The following DLGAP4 variants were observed in gnomAD, a reference collection of about 807,000 sequenced individuals.
DLGAP4 encodes disks large-associated protein 4.
In DLGAP4, 18 loss-of-function variants were observed where a neutral mutation model predicts 86.9. The ratio of observed to expected loss-of-function variants is 0.21; its 90% CI spans 0.14 to 0.31. The LOEUF is 0.31. Ranked by LOEUF, DLGAP4 falls within the 10% of genes least tolerant of loss-of-function variation. The probability of loss-of-function intolerance (pLI) is 1.00; values close to 1 mark genes in which losing one functional copy is unlikely to be tolerated. For synonymous variants in DLGAP4, 548 were observed against 574.3 expected (o/e 0.95, Z 0.65); for missense variants, 1,085 against 1,362.6 (o/e 0.80, Z 3.21).
chr20:36,501,255 G>A (rs929468649), intron 10 of DLGAP4, among the ~76,000 whole-genome samples: 1 of 151,818 alleles, frequency 6.6e-6, no homozygotes, highest in Non-Finnish European at 1.5e-5. Context: ...TAGTAGAGAC[G>A]GGGTTTCACC....
intron 1 of DLGAP4, among the ~76,000 whole-genome samples, chr20:36,312,473 A>G (rs1285643043): frequency 2.6e-5 from 4 of 151,982 alleles, no homozygotes; most frequent in African/African-American, 9.7e-5. Context: ...CAGGTCACCC[A>G]CCTCTGGGAG....
At chr20:36,358,428 G>A (rs1191917175) in intron 1 of DLGAP4, among the ~76,000 whole-genome samples, 1 of 152,228 alleles carries the variant, frequency 6.6e-6, no homozygotes, top group Non-Finnish European at 1.5e-5. Context: ...AGCATGTTGG[G>A]CTCCTGTCCC....
chr20:36,349,653 G>A (rs1391145958), intron 1 of DLGAP4, among the ~76,000 whole-genome samples: 2 of 152,214 alleles, frequency 1.3e-5, no homozygotes, highest in East Asian at 1.9e-4. Context: ...ATGGGTCATC[G>A]TGAGGATAAA....
chr20:36,443,019 G>A (rs1293449335), intron 6 of DLGAP4, among the ~76,000 whole-genome samples: 1 of 152,228 alleles, frequency 6.6e-6, no homozygotes, highest in Non-Finnish European at 1.5e-5. Flanking sequence ...GGAAGAATGA[G>A]CTAGGTGCTC....
chr20:36,467,064 C>CCCTCT (rs1555907466), intron 7 of DLGAP4, among the ~76,000 whole-genome samples: 1 of 118,144 alleles, frequency 8.5e-6, no homozygotes, highest in African/African-American at 4.9e-5. Context: ...CTCTCTCTCT[C>CCCTCT]CCCCCCCCTT....
intron 1 of DLGAP4, among the ~76,000 whole-genome samples, chr20:36,331,097 G>C (rs1440306595): frequency 6.6e-6 from 1 of 152,192 alleles, no homozygotes; most frequent in Non-Finnish European, 1.5e-5. Context: ...GCCTGTGGGG[G>C]GAGGCCACCC....
At chr20:36,335,217 C>T (rs1298843503) in intron 1 of DLGAP4, among the ~76,000 whole-genome samples, 1 of 152,188 alleles carries the variant, frequency 6.6e-6, no homozygotes, top group East Asian at 1.9e-4. Context: ...GTACAGCCAC[C>T]GCCAGGCCTC....
intron 2 of DLGAP4, among the ~76,000 whole-genome samples, chr20:36,384,280 C>T (rs2031516870): frequency 6.6e-6 from 1 of 152,084 alleles, no homozygotes; most frequent in Non-Finnish European, 1.5e-5. Context: ...TCGGTTCTGT[C>T]TTGAGAGTTT....
chr20:36,366,345 G>A (rs1483512393), intron 1 of DLGAP4, among the ~76,000 whole-genome samples: 1 of 152,162 alleles, frequency 6.6e-6, no homozygotes, highest in African/African-American at 2.4e-5. Context: ...ACAGGCGTGA[G>A]CCACCGCACC....
At chr20:36,522,887 C>G (rs1337965093) in intron 10 of DLGAP4, among the ~76,000 whole-genome samples, 1 of 152,112 alleles carries the variant, frequency 6.6e-6, no homozygotes, top group African/African-American at 2.4e-5. Context: ...GGCAAGGTCT[C>G]ACTTTGTCAC....
chr20:36,385,054 G>C (rs1226086052), intron 2 of DLGAP4, among the ~76,000 whole-genome samples: 1 of 152,192 alleles, frequency 6.6e-6, no homozygotes, highest in Non-Finnish European at 1.5e-5. Flanking sequence ...CAGAGAAGGG[G>C]TGTGACCTGC....
chr20:36,461,751 G>GGGCCCCCCCCCC, intron 7 of DLGAP4: 23 of 618,670 alleles, frequency 3.7e-5, no homozygotes, highest in Middle Eastern at 8.2e-4. Flanking sequence ...CCGTCCGTCC[G>GGGCCCCCCCCCC]CCCGCCCGCC....
intron 6 of DLGAP4, among the ~76,000 whole-genome samples, chr20:36,445,074 G>A (rs752426780): frequency 2.0e-5 from 3 of 152,108 alleles, no homozygotes; most frequent in Non-Finnish European, 4.4e-5. Context: ...GGGACTTGAG[G>A]TGCATGCTAC....
At chr20:36,480,038 G>T (rs2035115546) in intron 7 of DLGAP4, among the ~76,000 whole-genome samples, 1 of 152,136 alleles carries the variant, frequency 6.6e-6, no homozygotes, top group African/African-American at 2.4e-5. Context: ...ACTCACAGCA[G>T]TCCTAGGGCA....
intron 1 of DLGAP4, among the ~76,000 whole-genome samples, chr20:36,337,394 A>G (rs2065333901): frequency 6.6e-6 from 1 of 152,092 alleles, no homozygotes; most frequent in Non-Finnish European, 1.5e-5. Context: ...GGTGCAGGGA[A>G]GGCTTCAGGT....
intron 10 of DLGAP4, among the ~76,000 whole-genome samples, chr20:36,515,187 C>G (rs1371493336): frequency 6.6e-6 from 1 of 152,170 alleles, no homozygotes; most frequent in East Asian, 1.9e-4. Flanking sequence ...TTGTCCATTT[C>G]TCCTTAAAAA....
At chr20:36,348,101 T>C (rs1320589647) in intron 1 of DLGAP4, among the ~76,000 whole-genome samples, 1 of 152,216 alleles carries the variant, frequency 6.6e-6, no homozygotes, top group Non-Finnish European at 1.5e-5. Flanking sequence ...CTTCTGTTTA[T>C]ATCCTTCTAC....
rs781597242 is a variant in DLGAP4, at chr20:36,496,999, CGCTGACCAGCTCT to C, written c.1945_1957del (p.Leu649SerfsTer15). Reference sequence around the variant, plus strand: ...GCAGCTCTGAAAAGTGAACAAGGGACGCTGACCAGCTCTGAGTCCCACCCCGAGGCCGCCCCCA... The same window carrying C: ...GCAGCTCTGAAAAGTGAACAAGGGACGAGTCCCACCCCGAGGCCGCCCCCA... On this transcript the variant is annotated frameshift_variant, in exon 8 of 13. Transcript: ENST00000339266. LOFTEE classifies it high-confidence loss of function. 6.2e-7 allele frequency: 1 copy of C among 1,614,086 alleles called. No homozygotes were observed. The highest frequency in any genetic ancestry group is 8.5e-7 in the Non-Finnish European group (1 of 1,180,006).
rs1246254024 is a variant in DLGAP4, at chr20:36,525,809, C to CCT, written c.2605-39_2605-38dup. The CCT allele has an allele frequency of 8.1e-6, 13 of 1,606,972 alleles. No homozygotes were observed. The African/African-American group carries it at 1.2e-4, about 15-fold the overall frequency. ...GGGGGGTTGGGGGGAGCAGGACAAG[C>CCT]CTCTGCTGAGCTGGCCCCACTGATC... On this transcript the variant is annotated intron_variant, in intron 11 of 12. Transcript: ENST00000339266.
Sources: gnomAD v4.1 joint callset for allele counts (sites outside exome capture counted in the v4.1 genomes callset) on GRCh38, gnomAD v4.1.1 for gene constraint, MANE v1.5 for transcripts, NCBI Gene and HGNC (gene_info 2026-07-23, HGNC 2026-07-21) for gene names.